ZNF469: variants seen among roughly 807,000 people sequenced by gnomAD.
ZNF469 encodes the protein zinc finger protein 469.
Under a neutral mutation model 1.0 loss-of-function variants are expected in ZNF469, and 1 was observed. The ratio of observed to expected loss-of-function variants is 1.00; its 90% CI spans 0.35 to 4.73. The LOEUF is 4.73. Among genes scored for constraint, ZNF469 ranks in the 30% most tolerant of loss-of-function variants. The pLI is 0.16. For missense variants in ZNF469, 6,100 were observed against 5,356.3 expected, an observed-to-expected ratio of 1.14 and a Z score of -4.33; for synonymous variants, 2,703 against 2,363.4, an observed-to-expected ratio of 1.14 and a Z score of -4.17.
chr16:88,408,137 A>C (rs930107835), intron 1 of ZNF469, among the ~76,000 whole-genome samples: 22 of 152,232 alleles, frequency 1.4e-4, no homozygotes, highest in African/African-American at 4.6e-4. Flanking sequence ...AAGCCCCCTT[A>C]GTACTTTTTT....
At chr16:88,385,851 C>T (rs919513180) in intron 1 of ZNF469, among the ~76,000 whole-genome samples, 3 of 152,208 alleles carry the variant, frequency 2.0e-5, no homozygotes, top group Middle Eastern at 3.4e-3. Context: ...GTCAGTGGGA[C>T]GGGCTGGTGT....
chr16:88,428,694 G>A lies in ZNF469; in HGVS notation c.1224G>A (p.Gly408=), dbSNP rs556627507. ...PSSLPQRHFP[G]QAYRASGVDT... Reference sequence around the variant, plus strand: ...CCCTACCCCAGAGGCACTTTCCAGGGCAGGCGTACAGAGCCAGTGGGGTGG... The same window carrying A: ...CCCTACCCCAGAGGCACTTTCCAGGACAGGCGTACAGAGCCAGTGGGGTGG... The change falls in exon 3 of 3, where the codon GGG becomes GGA. Residue 408 remains glycine (G), a synonymous_variant. Coordinates refer to ENST00000565624, the MANE Select transcript of ZNF469 (RefSeq NM_001367624.2). The A allele has an allele frequency of 5.2e-6, 8 of 1,549,362 alleles. No individual in the cohort carries two copies. The East Asian group carries it at 1.7e-4, about 33-fold the overall frequency.
At chr16:88,268,370 G>A in the ZNF469 span, among the ~76,000 whole-genome samples, 101,790 of 151,786 alleles carry the variant, frequency 0.67, 34,347 homozygotes, top group East Asian at 0.92. Context: ...GATTTCAGTC[G>A]TTTTTTCACC....
the ZNF469 span, among the ~76,000 whole-genome samples, chr16:88,115,913 G>C: frequency 6.6e-6 from 1 of 152,156 alleles, no homozygotes; most frequent in Non-Finnish European, 1.5e-5. Context: ...TGGTCTCTTC[G>C]TCTTTGGGGG....
At chr16:88,303,507 G>A in the ZNF469 span, among the ~76,000 whole-genome samples, 1 of 152,172 alleles carries the variant, frequency 6.6e-6, no homozygotes, top group Non-Finnish European at 1.5e-5. Flanking sequence ...GGCTCCCATG[G>A]AACTCCACTG....
the ZNF469 span, among the ~76,000 whole-genome samples, chr16:88,168,095 A>G: frequency 1.3e-5 from 2 of 152,244 alleles, no homozygotes; most frequent in African/African-American, 4.8e-5. The surrounding 1 kb of genome is among the most constrained non-coding windows in gnomAD (Gnocchi z 4.3). Flanking sequence ...TCGTTCATCA[A>G]AACACAGTTT....
At chr16:88,356,468 CTGTG>C in the ZNF469 span, among the ~76,000 whole-genome samples, 3 of 151,238 alleles carry the variant, frequency 2.0e-5, no homozygotes, top group Non-Finnish European at 4.4e-5. Flanking sequence ...TGACGTGTGC[CTGTG>C]TGTGTGTGTA....
At chr16:88,208,791 ACACACACACACACTCTCTCT>A in the ZNF469 span, among the ~76,000 whole-genome samples, 1 of 36,746 alleles carries the variant, frequency 2.7e-5, no homozygotes, top group African/African-American at 5.8e-5. Context: ...ACACACACAC[ACACACACACACACTCTCTCT>A]CTCTCTCTCT....
At chr16:88,213,369 G>T in the ZNF469 span, among the ~76,000 whole-genome samples, 1 of 152,148 alleles carries the variant, frequency 6.6e-6, no homozygotes, top group Non-Finnish European at 1.5e-5. Context: ...AAAGTGCTGG[G>T]ATTACAGGCA....
chr16:88,271,010 G>A, the ZNF469 span, among the ~76,000 whole-genome samples: 30 of 152,348 alleles, frequency 2.0e-4, no homozygotes, highest in African/African-American at 7.2e-4. Flanking sequence ...AATCAGACAG[G>A]CCTGGGTTGG....
At chr16:88,371,740 C>T in the ZNF469 span, among the ~76,000 whole-genome samples, 1 of 152,158 alleles carries the variant, frequency 6.6e-6, no homozygotes, top group South Asian at 2.1e-4. Flanking sequence ...TGCTTGTTCT[C>T]AGTGACATCA....
chr16:88,116,227 C>A, the ZNF469 span, among the ~76,000 whole-genome samples: 1 of 152,206 alleles, frequency 6.6e-6, no homozygotes, highest in Admixed American at 6.5e-5. Context: ...GGCAGGTGCT[C>A]CTTGCCAGCA....
chr16:88,438,441 TGA>T lies in ZNF469; in HGVS notation c.10973_10974del (p.Glu3658GlyfsTer140). 2 of 1,550,052 alleles carry T rather than the reference TGA, an allele frequency of 1.3e-6. No homozygotes were observed. The highest frequency in any genetic ancestry group is 1.7e-6 in the Non-Finnish European group (2 of 1,146,930). ...KEVSSSHMVSEGGPRGAFHKG... is the reference protein window; with the variant it reads ...KEVSSSHMVSXGGPRGAFHKG... ...AGGTGTCCTCAAGCCACATGGTGTC[TGA>T]GGGGGGGCCCCGAGGCGCCTTCCAC... On this transcript the variant is annotated frameshift_variant, in exon 3 of 3. Transcript: ENST00000565624. LOFTEE classifies it low-confidence loss of function (END_TRUNC).
the ZNF469 span, among the ~76,000 whole-genome samples, chr16:88,345,605 C>A: frequency 6.6e-6 from 1 of 152,152 alleles, no homozygotes. Flanking sequence ...ACCTGGGCAG[C>A]TGTCCCCTCT....
chr16:88,437,212 G>T lies in ZNF469; in HGVS notation c.9742G>T (p.Ala3248Ser). ...HHRGKRSAGKAAGSPGDPWGQ... is the reference protein window; with the variant it reads ...HHRGKRSAGKSAGSPGDPWGQ... Reference sequence around the variant, plus strand: ...CAGGGGCAAGCGCTCCGCCGGCAAGGCCGCCGGGAGCCCGGGAGACCCGTG... The same window carrying T: ...CAGGGGCAAGCGCTCCGCCGGCAAGTCCGCCGGGAGCCCGGGAGACCCGTG... The change falls in exon 3 of 3, where the codon GCC becomes TCC. Residue 3248 changes from alanine to serine, a missense_variant. Ala to Ser is a moderately conservative substitution (Grantham distance 99, BLOSUM62 1). Coordinates refer to ENST00000565624, the MANE Select transcript of ZNF469 (RefSeq NM_001367624.2). 1 of 1,549,410 alleles carries T rather than the reference G, an allele frequency of 6.5e-7. No homozygotes were observed. The highest frequency in any genetic ancestry group is 8.7e-7 in the Non-Finnish European group (1 of 1,146,516).
At chr16:88,257,554 C>T in the ZNF469 span, among the ~76,000 whole-genome samples, 1 of 152,130 alleles carries the variant, frequency 6.6e-6, no homozygotes, top group African/African-American at 2.4e-5. Flanking sequence ...CTGGATCCTG[C>T]CTTTGGTGCT....
Position 88,436,208 on chromosome 16 carries a change from G to C in ZNF469, c.8738G>C (p.Ser2913Thr), listed in dbSNP as rs747973451. 6 of 1,548,462 alleles carry C rather than the reference G, an allele frequency of 3.9e-6. No homozygotes were observed. In the South Asian group the frequency reaches 7.1e-5, roughly 18 times the overall value. ...LGPARLPTDL[S>T]DSSSLCLCHE... Reference sequence around the variant, plus strand: ...CCAGCCCGCCTGCCCACGGACCTCAGCGACTCCAGCTCCCTCTGCCTCTGC... The same window carrying C: ...CCAGCCCGCCTGCCCACGGACCTCACCGACTCCAGCTCCCTCTGCCTCTGC... The change falls in exon 3 of 3, where the codon AGC becomes ACC. Residue 2913 changes from serine (S) to threonine (T), a missense_variant. Coordinates refer to ENST00000565624, the MANE Select transcript of ZNF469 (RefSeq NM_001367624.2).
chr16:88,432,316 G>C lies in ZNF469; in HGVS notation c.4846G>C (p.Val1616Leu). The C allele has an allele frequency of 1.3e-6, 2 of 1,547,606 alleles. No homozygotes were observed. The highest frequency in any genetic ancestry group is 8.7e-7 in the Non-Finnish European group (1 of 1,146,952). Residue 1616 changes from valine to leucine, a missense_variant, in exon 3 of 3, where the codon GTG (valine) becomes CTG (leucine). Transcript: ENST00000565624. ...PSQRRTCQAT[V>L]PHEDTFSAAD... ...CCAACGGCGCACCTGCCAGGCCACC[G>C]TGCCCCACGAGGACACGTTCTCGGC... is the stretch of plus-strand genomic sequence containing the variant.
the ZNF469 span, among the ~76,000 whole-genome samples, chr16:88,287,268 C>T: frequency 2.6e-5 from 4 of 152,374 alleles, no homozygotes; most frequent in South Asian, 4.1e-4. Context: ...CTCCTGTCAA[C>T]GGACACAGGA....
Sources: gnomAD v4.1 joint callset for allele counts (sites outside exome capture counted in the v4.1 genomes callset) on GRCh38, gnomAD v4.1.1 for gene constraint, Gnocchi (gnomAD v3.1) non-coding constraint, MANE v1.5 for transcripts, NCBI Gene and HGNC (gene_info 2026-07-23, HGNC 2026-07-21) for gene names.